The following RALGPS1 variants were observed in gnomAD, a reference collection of about 807,000 sequenced individuals.
RALGPS1 encodes ras-specific guanine nucleotide-releasing factor RalGPS1.
A neutral mutation model predicts 78.8 loss-of-function variants in RALGPS1; 19 were observed. The ratio of observed to expected loss-of-function variants is 0.24; its 90% CI spans 0.17 to 0.35. The LOEUF (loss-of-function observed/expected upper bound fraction) is 0.35, where lower values mean the gene tolerates loss of function less well. Ranked by LOEUF, RALGPS1 falls within the 10% of genes least tolerant of loss-of-function variation. The pLI, the probability that RALGPS1 is intolerant of heterozygous loss-of-function variation, is 1.00. For synonymous variants in RALGPS1, 228 were observed against 256.3 expected, an observed-to-expected ratio of 0.89 and a Z score of 1.06; for missense variants, 454 against 688.3, an observed-to-expected ratio of 0.66 and a Z score of 3.81.
At chr9:126,943,161 T>C (rs1342741774) in intron 1 of RALGPS1, among the ~76,000 whole-genome samples, 1 of 152,146 alleles carries the variant, frequency 6.6e-6, no homozygotes, top group Non-Finnish European at 1.5e-5. Flanking sequence ...TTTTTTGAGA[T>C]GGAGTCTTAC....
chr9:127,218,787 C>G lies in RALGPS1; in HGVS notation c.*18C>G, dbSNP rs1216282850. 1.2e-6 allele frequency: 2 copies of G among 1,613,088 alleles called. No homozygotes were observed. The highest frequency in any genetic ancestry group is 1.3e-5 in the African/African-American group (1 of 75,036). ...TTGAGTAAGTCTCTGCAGGACGTGGCATGACTTCAGAGGCTTCTGGGAACC... is the reference window on the plus strand; with the variant it reads ...TTGAGTAAGTCTCTGCAGGACGTGGGATGACTTCAGAGGCTTCTGGGAACC... On this transcript the variant is annotated 3_prime_UTR_variant, in exon 19 of 19. Coordinates refer to ENST00000259351, the MANE Select transcript of RALGPS1 (RefSeq NM_014636.3). This position sits in a 1 kb window ranked among gnomAD's most constrained non-coding sequence, Gnocchi z 4.4.
chr9:126,967,134 T>C (rs1248690364), intron 3 of RALGPS1, among the ~76,000 whole-genome samples: 1 of 152,220 alleles, frequency 6.6e-6, no homozygotes, highest in Non-Finnish European at 1.5e-5. Context: ...GTGTTTACTT[T>C]GTGCCAGGCC....
intron 4 of RALGPS1, among the ~76,000 whole-genome samples, chr9:126,984,297 A>G (rs1033236426): frequency 3.3e-5 from 5 of 152,104 alleles, no homozygotes; most frequent in African/African-American, 9.7e-5. Context: ...GAAGAGACGT[A>G]TCACTGTGTT....
intron 8 of RALGPS1, among the ~76,000 whole-genome samples, chr9:127,134,526 T>C (rs533781604): frequency 6.6e-6 from 1 of 152,354 alleles, no homozygotes; most frequent in South Asian, 2.1e-4. Flanking sequence ...TGAAGCTCTT[T>C]GTTAATTCAT....
chr9:127,082,544 A>G (rs906850886), intron 8 of RALGPS1, among the ~76,000 whole-genome samples: 1 of 152,104 alleles, frequency 6.6e-6, no homozygotes, highest in African/African-American at 2.4e-5. Context: ...ACTGAGTGAT[A>G]CGGGGTGACA....
intron 8 of RALGPS1, among the ~76,000 whole-genome samples, chr9:127,149,591 A>G (rs761746090): frequency 1.3e-5 from 2 of 152,220 alleles, no homozygotes; most frequent in Non-Finnish European, 2.9e-5. Context: ...CTGTGTGCCT[A>G]CCCTCCAGGA....
At chr9:126,995,243 A>G (rs1327370195) in intron 4 of RALGPS1, among the ~76,000 whole-genome samples, 1 of 152,220 alleles carries the variant, frequency 6.6e-6, no homozygotes, top group Non-Finnish European at 1.5e-5. Context: ...GGCAAATTGG[A>G]TAAAGAGTCA....
At chr9:127,061,456 T>C (rs1211755549) in intron 7 of RALGPS1, among the ~76,000 whole-genome samples, 1 of 152,270 alleles carries the variant, frequency 6.6e-6, no homozygotes, top group African/African-American at 2.4e-5. Context: ...GGTGTTCACA[T>C]GCCTATGGCA....
At chr9:127,184,735 C>T (rs2060524738) in intron 11 of RALGPS1, among the ~76,000 whole-genome samples, 1 of 152,234 alleles carries the variant, frequency 6.6e-6, no homozygotes, top group Non-Finnish European at 1.5e-5. Flanking sequence ...AACGCAGGCT[C>T]CAAAGAATGA....
At chr9:127,194,046 G>C (rs1306150638) in intron 11 of RALGPS1, among the ~76,000 whole-genome samples, 3 of 152,210 alleles carry the variant, frequency 2.0e-5, no homozygotes, top group African/African-American at 4.8e-5. Context: ...GCACAGTGAG[G>C]TTTGCGCCCC....
intron 3 of RALGPS1, among the ~76,000 whole-genome samples, chr9:126,967,428 G>C (rs1230937727): frequency 6.6e-6 from 1 of 152,112 alleles, no homozygotes; most frequent in African/African-American, 2.4e-5. Flanking sequence ...TCAAATGTCT[G>C]TCCTTAGGAC....
chr9:126,985,086 G>C (rs1167055308), intron 4 of RALGPS1, among the ~76,000 whole-genome samples: 1 of 152,132 alleles, frequency 6.6e-6, no homozygotes, highest in African/African-American at 2.4e-5. Flanking sequence ...TTGACTTTGG[G>C]CTTGGCCCTG....
Position 126,962,325 on chromosome 9 carries a change from G to A in RALGPS1, c.36G>A (p.Leu12=). Residue 12 remains leucine, a synonymous_variant, in exon 2 of 19, where the codon TTG becomes TTA. Coordinates refer to ENST00000259351, the MANE Select transcript of RALGPS1 (RefSeq NM_014636.3). ...GGAATGGTCTGATGGCTAGCGTGTT[G>A]GTCACCTCTGCCACTCCACAGGTAC... ...YKRNGLMASV[L]VTSATPQGSS... 1 of 1,614,132 alleles carries A rather than the reference G, an allele frequency of 6.2e-7. No individual in the cohort carries two copies. Among genetic ancestry groups the A allele is most frequent in the Non-Finnish European group, 8.5e-7 (1 of 1,180,008 alleles).
intron 11 of RALGPS1, chr9:127,178,139 C>T: frequency 3.8e-6 from 3 of 781,304 alleles, no homozygotes; most frequent in Middle Eastern, 4.1e-4. Context: ...ATTGGCTGTG[C>T]AGGGTCTGTG....
intron 4 of RALGPS1, among the ~76,000 whole-genome samples, chr9:127,029,426 C>T (rs2046232636): frequency 6.6e-6 from 1 of 152,138 alleles, no homozygotes; most frequent in African/African-American, 2.4e-5. Flanking sequence ...TCTGGCAGGT[C>T]TTTCCTGTTG....
At chr9:126,942,531 A>G (rs751109705) in intron 1 of RALGPS1, among the ~76,000 whole-genome samples, 37 of 152,180 alleles carry the variant, frequency 2.4e-4, no homozygotes, top group Non-Finnish European at 4.4e-4. Flanking sequence ...CTCCTCACAT[A>G]TACTGGATCC....
rs191249109 is a variant in RALGPS1, at chr9:127,006,406, T to C, written c.217-28025T>C. Reference sequence around the variant, plus strand: ...ATTCACTGACTCTTGTCAATAGGCTTTGGGAGTGGTGATTTAGTATACCAC... The same window carrying C: ...ATTCACTGACTCTTGTCAATAGGCTCTGGGAGTGGTGATTTAGTATACCAC... On this transcript the variant is annotated intron_variant, in intron 4 of 18. Transcript: ENST00000259351. Among the ~76,000 whole-genome samples the C allele has an allele frequency of 1.9e-3, 292 of 152,336 alleles. 1 individual carries two copies. The highest frequency in any genetic ancestry group is 7.8e-4 in the Non-Finnish European group (53 of 68,024).
At chr9:126,934,489 G>C (rs933496162) in intron 1 of RALGPS1, among the ~76,000 whole-genome samples, 3 of 152,168 alleles carry the variant, frequency 2.0e-5, no homozygotes, top group African/African-American at 7.2e-5. Flanking sequence ...GAGCCGGGTG[G>C]TGCTGTAGTC....
At chr9:127,114,660 T>C (rs1346643048) in intron 8 of RALGPS1, among the ~76,000 whole-genome samples, 1 of 152,178 alleles carries the variant, frequency 6.6e-6, no homozygotes, top group East Asian at 1.9e-4. Context: ...GCACTGCCCA[T>C]TGGTCTGTGA....
Sources: allele counts gnomAD v4.1 joint callset (sites outside exome capture counted in the v4.1 genomes callset), GRCh38; gene constraint gnomAD v4.1.1; non-coding constraint Gnocchi (gnomAD v3.1); transcripts MANE v1.5; gene names NCBI Gene and HGNC (gene_info 2026-07-23, HGNC 2026-07-21).